RGS7: variants seen among roughly 807,000 people sequenced by gnomAD.
The protein encoded by RGS7 is regulator of G protein signaling 7.
RGS7 carries 27 observed loss-of-function variants against 81.1 expected under a neutral mutation model. The ratio of observed to expected loss-of-function variants is 0.33; its 90% CI spans 0.25 to 0.46. The LOEUF is 0.46. Among genes scored for constraint, RGS7 ranks in the 20% least tolerant of loss-of-function variants. The probability of loss-of-function intolerance (pLI) is 1.00; values close to 1 mark genes in which losing one functional copy is unlikely to be tolerated. For synonymous variants in RGS7, 208 were observed against 207.7 expected, an observed-to-expected ratio of 1.00 and a Z score of -0.01; for missense variants, 396 against 607.4, an observed-to-expected ratio of 0.65 and a Z score of 3.66.
At chr1:240,933,551 C>T (rs544453323) in intron 5 of RGS7, among the ~76,000 whole-genome samples, 20 of 151,278 alleles carry the variant, frequency 1.3e-4, no homozygotes, top group African/African-American at 3.4e-4. Context: ...CTGTAGTAAA[C>T]GATAATATAG....
At chr1:240,991,239 C>T (rs567101108) in intron 3 of RGS7, among the ~76,000 whole-genome samples, 1 of 152,228 alleles carries the variant, frequency 6.6e-6, no homozygotes, top group South Asian at 2.1e-4. Flanking sequence ...GTGTAAGTTC[C>T]AGAAATCATA....
chr1:241,299,702 A>G (rs2079617756), intron 2 of RGS7, among the ~76,000 whole-genome samples: 1 of 151,998 alleles, frequency 6.6e-6, no homozygotes, highest in Admixed American at 6.6e-5. Context: ...TTGCAAATCA[A>G]TAGATAACAA....
intron 6 of RGS7, among the ~76,000 whole-genome samples, chr1:240,878,983 T>C (rs1665941100): frequency 6.6e-6 from 1 of 152,188 alleles, no homozygotes; most frequent in Non-Finnish European, 1.5e-5. Flanking sequence ...AAGCATATAT[T>C]CCTAGAAATG....
At chr1:240,825,947 G>A (rs935777672) in intron 10 of RGS7, among the ~76,000 whole-genome samples, 3 of 152,186 alleles carry the variant, frequency 2.0e-5, no homozygotes, top group African/African-American at 7.2e-5. Context: ...AAAGTATTTC[G>A]AAGAGTAATT....
chr1:241,250,829 A>G (rs1293783337), intron 2 of RGS7, among the ~76,000 whole-genome samples: 1 of 152,258 alleles, frequency 6.6e-6, no homozygotes, highest in Non-Finnish European at 1.5e-5. Flanking sequence ...TCAACAGATG[A>G]TAAGGCTAAG....
intron 13 of RGS7, among the ~76,000 whole-genome samples, chr1:240,812,586 C>T (rs1047437028): frequency 1.3e-5 from 2 of 151,996 alleles, no homozygotes; most frequent in African/African-American, 4.8e-5. Context: ...AGGCACCTGC[C>T]ACTATGCCCG....
chr1:241,253,354 G>T (rs922382758), intron 2 of RGS7, among the ~76,000 whole-genome samples: 1 of 152,118 alleles, frequency 6.6e-6, no homozygotes, highest in African/African-American at 2.4e-5. Flanking sequence ...CATACTGTGG[G>T]GTTTTATTCT....
chr1:241,106,752 C>CCACACACCACACACACACA (rs1553421296), intron 2 of RGS7, among the ~76,000 whole-genome samples: 1 of 121,684 alleles, frequency 8.2e-6, no homozygotes, highest in African/African-American at 3.3e-5. Context: ...AACACCACCA[C>CCACACACCACACACACACA]CACACACACA....
chr1:241,272,600 C>G (rs922828741), intron 2 of RGS7, among the ~76,000 whole-genome samples: 5 of 152,158 alleles, frequency 3.3e-5, no homozygotes, highest in Non-Finnish European at 7.3e-5. Context: ...AGCTGTTTTT[C>G]CAGTGGTTGA....
chr1:241,234,259 GCCAGTTGTTTATCGATAT>G (rs1264128084), intron 2 of RGS7, among the ~76,000 whole-genome samples: 1 of 152,104 alleles, frequency 6.6e-6, no homozygotes, highest in Non-Finnish European at 1.5e-5. Flanking sequence ...AGCAAAACCT[GCCAGTTGTTTATCGATAT>G]CCATCTTCTC....
At chr1:241,001,217 C>T (rs547332756) in intron 3 of RGS7, among the ~76,000 whole-genome samples, 1 of 152,164 alleles carries the variant, frequency 6.6e-6, no homozygotes, top group South Asian at 2.1e-4. Flanking sequence ...GGACCTAACA[C>T]AATATAGCTA....
intron 6 of RGS7, among the ~76,000 whole-genome samples, chr1:240,900,512 G>A (rs572005590): frequency 2.6e-5 from 4 of 152,208 alleles, no homozygotes; most frequent in East Asian, 1.9e-4. Flanking sequence ...TCCCTCTAAC[G>A]GTCAGGACCC....
chr1:240,995,171 C>G (rs894911165), intron 3 of RGS7, among the ~76,000 whole-genome samples: 10 of 152,074 alleles, frequency 6.6e-5, no homozygotes, highest in African/African-American at 2.4e-4. Context: ...ATTTAACCAG[C>G]CTGCATCTCT....
intron 3 of RGS7, among the ~76,000 whole-genome samples, chr1:241,033,728 T>C (rs1306069545): frequency 6.6e-6 from 1 of 152,184 alleles, no homozygotes; most frequent in East Asian, 1.9e-4. Flanking sequence ...TCCTAATATA[T>C]TGTTTAAATT....
chr1:241,240,849 C>T (rs1316663996), intron 2 of RGS7, among the ~76,000 whole-genome samples: 5 of 152,150 alleles, frequency 3.3e-5, no homozygotes, highest in Non-Finnish European at 4.4e-5. Context: ...CCCTGCCCTA[C>T]TCCCTGAGCC....
chr1:241,283,167 C>CA (rs2078617464), intron 2 of RGS7, among the ~76,000 whole-genome samples: 3 of 152,250 alleles, frequency 2.0e-5, no homozygotes, highest in Admixed American at 2.0e-4. Context: ...CTTCAACTGT[C>CA]AAACATATGT....
chr1:241,219,212 G>T (rs1422309635), intron 2 of RGS7, among the ~76,000 whole-genome samples: 1 of 152,200 alleles, frequency 6.6e-6, no homozygotes, highest in African/African-American at 2.4e-5. Context: ...GAGGGACTCA[G>T]TGGGAGGTAA....
intron 2 of RGS7, among the ~76,000 whole-genome samples, chr1:241,293,275 C>T (rs61832570): frequency 0.12 from 18,758 of 152,220 alleles, 1,294 homozygotes; most frequent in Middle Eastern, 0.17. Context: ...ACATACAGTA[C>T]ATAATACTTA....
chr1:241,163,519 ACCGACTGTC>A lies in RGS7; in HGVS notation c.79-64766_79-64758del, dbSNP rs780984957. 1.2e-4 allele frequency among the ~76,000 whole-genome samples: 18 copies of A among 152,078 alleles called. No individual in the cohort carries two copies. Among genetic ancestry groups the A allele is most frequent in the Non-Finnish European group, 2.1e-4 (14 of 68,006 alleles). ...CCTCTTCCAGATCTAGGAAAGATTA[ACCGACTGTC>A]GACACCTTTGAAGGTCTGAAAGAAA... On this transcript the variant is annotated intron_variant, in intron 2 of 18. Transcript: ENST00000440928. This position sits in a 1 kb window ranked among gnomAD's most constrained non-coding sequence, Gnocchi z 4.6.
Sources: allele counts gnomAD v4.1 joint callset (sites outside exome capture counted in the v4.1 genomes callset), GRCh38; gene constraint gnomAD v4.1.1; non-coding constraint Gnocchi (gnomAD v3.1); transcripts MANE v1.5; gene names NCBI Gene and HGNC (gene_info 2026-07-23, HGNC 2026-07-21).